Variants in RPS6KC1 observed in about 807,000 individuals in gnomAD.
RPS6KC1 encodes the protein ribosomal protein S6 kinase C1, also known as inactive ribosomal protein S6 kinase delta-1.
Under a neutral mutation model 103.8 loss-of-function variants are expected in RPS6KC1, and 54 were observed. That is an observed-to-expected ratio of 0.52 (90% confidence interval 0.42 to 0.65). The LOEUF (loss-of-function observed/expected upper bound fraction) is 0.65. Ranked by LOEUF, RPS6KC1 falls within the 30% of genes least tolerant of loss-of-function variation. The pLI is 0.00. For missense variants in RPS6KC1, 1,151 were observed against 1,253.8 expected, an observed-to-expected ratio of 0.92 and a Z score of 1.24; for synonymous variants, 439 against 438.7, an observed-to-expected ratio of 1.00 and a Z score of -0.01.
the RPS6KC1 span, among the ~76,000 whole-genome samples, chr1:213,387,492 A>G: frequency 6.6e-6 from 1 of 152,178 alleles, no homozygotes; most frequent in Non-Finnish European, 1.5e-5. Context: ...CATTATTCAT[A>G]ATGAGCCTAT....
chr1:213,278,177 C>T (rs1420948288), downstream of RPS6KC1, among the ~76,000 whole-genome samples: 1 of 151,762 alleles, frequency 6.6e-6, no homozygotes, highest in African/African-American at 2.4e-5. Flanking sequence ...TGTACTCCAT[C>T]CTGGGCAACA....
At chr1:213,729,647 C>T in the RPS6KC1 span, among the ~76,000 whole-genome samples, 23,327 of 152,132 alleles carry the variant, frequency 0.15, 2,159 homozygotes, top group Middle Eastern at 0.27. Context: ...ATCATGAAGT[C>T]CAGTCTCCTG....
chr1:213,729,908 A>G, the RPS6KC1 span, among the ~76,000 whole-genome samples: 2 of 151,800 alleles, frequency 1.3e-5, no homozygotes, highest in African/African-American at 2.4e-5. Flanking sequence ...ATTTTTCCGG[A>G]TCTTCTCCCT....
chr1:213,668,524 G>A, the RPS6KC1 span, among the ~76,000 whole-genome samples: 1 of 151,586 alleles, frequency 6.6e-6, no homozygotes, highest in African/African-American at 2.4e-5. Context: ...AGCACAGGCA[G>A]AGAAGATTTA....
At chr1:213,228,441 C>T (rs1185295723) in intron 8 of RPS6KC1, among the ~76,000 whole-genome samples, 1 of 152,108 alleles carries the variant, frequency 6.6e-6, no homozygotes. Context: ...TTTCACTGAG[C>T]CAGACCTGGT....
At chr1:213,108,017 A>T (rs2082660674) in intron 4 of RPS6KC1, among the ~76,000 whole-genome samples, 1 of 152,202 alleles carries the variant, frequency 6.6e-6, no homozygotes, top group Non-Finnish European at 1.5e-5. Flanking sequence ...AAACAGTCTT[A>T]TCAGATAAGT....
the RPS6KC1 span, among the ~76,000 whole-genome samples, chr1:213,288,015 A>G: frequency 2.0e-5 from 3 of 152,194 alleles, no homozygotes; most frequent in African/African-American, 4.8e-5. Context: ...GTTAGCACCT[A>G]TTCTCTCCGC....
the RPS6KC1 span, among the ~76,000 whole-genome samples, chr1:213,421,424 C>G: frequency 4.5e-4 from 69 of 152,274 alleles, no homozygotes; most frequent in Middle Eastern, 6.8e-3. Context: ...TCCAATGTAT[C>G]TTTTTTGAGA....
intron 5 of RPS6KC1, among the ~76,000 whole-genome samples, chr1:213,128,005 T>C (rs746027375): frequency 2.0e-5 from 3 of 152,248 alleles, no homozygotes; most frequent in Non-Finnish European, 4.4e-5. Context: ...TATTCCACAT[T>C]ACAACTAAGC....
At chr1:213,507,957 C>T in the RPS6KC1 span, among the ~76,000 whole-genome samples, 3 of 152,154 alleles carry the variant, frequency 2.0e-5, no homozygotes, top group Non-Finnish European at 4.4e-5. Flanking sequence ...AAATCAGCAG[C>T]GAATGTGCTG....
At chr1:213,701,090 C>T in the RPS6KC1 span, among the ~76,000 whole-genome samples, 155 of 152,052 alleles carry the variant, frequency 1.0e-3, no homozygotes, top group African/African-American at 3.6e-3. Context: ...TCCAGTGTTA[C>T]ATTGAATAAC....
intron 10 of RPS6KC1, among the ~76,000 whole-genome samples, chr1:213,234,146 A>G (rs1336734482): frequency 2.6e-5 from 4 of 151,654 alleles, no homozygotes; most frequent in Middle Eastern, 3.4e-3. Flanking sequence ...CTCAGCTGGG[A>G]TTACATGCGT....
chr1:213,784,221 G>T, the RPS6KC1 span, among the ~76,000 whole-genome samples: 2 of 152,138 alleles, frequency 1.3e-5, no homozygotes, highest in Admixed American at 1.3e-4. Flanking sequence ...CTTTCCCAAG[G>T]ACTAGCAGCT....
chr1:213,710,804 G>A, the RPS6KC1 span, among the ~76,000 whole-genome samples: 4 of 152,208 alleles, frequency 2.6e-5, no homozygotes, highest in African/African-American at 9.6e-5. Flanking sequence ...TAAAATTCTG[G>A]GTTGAAAATT....
the RPS6KC1 span, among the ~76,000 whole-genome samples, chr1:213,317,406 A>T: frequency 6.6e-6 from 1 of 152,174 alleles, no homozygotes; most frequent in Admixed American, 6.5e-5. Flanking sequence ...TGGTTTGTAG[A>T]TGGCTGCCTT....
intron 12 of RPS6KC1, among the ~76,000 whole-genome samples, chr1:213,258,608 C>T (rs1375741667): frequency 4.0e-5 from 6 of 151,870 alleles, no homozygotes; most frequent in Admixed American, 3.3e-4. Flanking sequence ...TTATGGAAGC[C>T]GAATTGTATA....
At chr1:213,390,991 A>G in the RPS6KC1 span, among the ~76,000 whole-genome samples, 3 of 152,088 alleles carry the variant, frequency 2.0e-5, no homozygotes, top group South Asian at 4.2e-4. Context: ...TGTGATACCG[A>G]TGTATATGAT....
chr1:213,834,310 C>A, the RPS6KC1 span, among the ~76,000 whole-genome samples: 5 of 152,164 alleles, frequency 3.3e-5, no homozygotes, highest in Non-Finnish European at 5.9e-5. Flanking sequence ...CAGGTATGAG[C>A]CACTGTGCCT....
At chr1:213,828,190 T>G in the RPS6KC1 span, among the ~76,000 whole-genome samples, 1 of 152,150 alleles carries the variant, frequency 6.6e-6, no homozygotes, top group East Asian at 1.9e-4. Flanking sequence ...CAGAGCTGAC[T>G]AGAGTGACAT....
Sources: gnomAD v4.1 joint callset for allele counts (sites outside exome capture counted in the v4.1 genomes callset) on GRCh38, gnomAD v4.1.1 for gene constraint, MANE v1.5 for transcripts, NCBI Gene and HGNC (gene_info 2026-07-23, HGNC 2026-07-21) for gene names.